The following RIMS4 variants were observed in gnomAD, a reference collection of about 807,000 sequenced individuals.
RIMS4 encodes regulating synaptic membrane exocytosis protein 4.
Under a neutral mutation model 29.0 loss-of-function variants are expected in RIMS4, and 9 were observed. The observed-to-expected ratio is 0.31, with a 90% CI of 0.19 to 0.54. The LOEUF is 0.54. RIMS4 is among the 20% of genes least tolerant of loss of function. RIMS4 has a pLI of 0.94. For synonymous variants in RIMS4, 130 were observed against 152.9 expected, an observed-to-expected ratio of 0.85 and a Z score of 1.10; for missense variants, 193 against 365.7, an observed-to-expected ratio of 0.53 and a Z score of 3.85.
In RIMS4 at chr20:44,756,111, G is replaced by T; in HGVS notation, c.*23C>A. On this transcript the variant is annotated 3_prime_UTR_variant, in exon 6 of 6. Coordinates refer to ENST00000372851, the MANE Select transcript of RIMS4 (RefSeq NM_182970.4). The surrounding 1 kb of genome is among the most constrained non-coding windows in gnomAD (Gnocchi z 5.9). ...GCTGGGTGGTCTCCAGGCCATCTTG[G>T]GGAGCCCCTCCCCATTCCAGCACTA... The T allele has an allele frequency of 6.4e-7, 1 of 1,564,630 alleles. No homozygotes were observed. The highest frequency in any genetic ancestry group is 8.7e-7 in the Non-Finnish European group (1 of 1,148,938).
At chr20:44,772,978 A>G (rs2066143480) in intron 1 of RIMS4, among the ~76,000 whole-genome samples, 1 of 152,198 alleles carries the variant, frequency 6.6e-6, no homozygotes, top group Non-Finnish European at 1.5e-5. Context: ...GCATGCGTAG[A>G]TACAAACACT....
intron 1 of RIMS4, among the ~76,000 whole-genome samples, chr20:44,776,242 A>T (rs2066159832): frequency 6.6e-6 from 1 of 152,158 alleles, no homozygotes; most frequent in African/African-American, 2.4e-5. Flanking sequence ...CAGCCTGGGT[A>T]ACAGAGTAAA....
Position 44,784,612 on chromosome 20 carries a change from A to G in RIMS4, c.98-13199T>C, listed in dbSNP as rs185817854. On this transcript the variant is annotated intron_variant, in intron 1 of 5. Transcript: ENST00000372851. ...TGTTCTGCAGGATAGCAGCTAACCCAGTGTCCACTAAGGCTTCTCAAGAAC... is the reference window on the plus strand; with the variant it reads ...TGTTCTGCAGGATAGCAGCTAACCCGGTGTCCACTAAGGCTTCTCAAGAAC... 3.8e-3 allele frequency among the ~76,000 whole-genome samples: 586 copies of G among 152,344 alleles called. 2 individuals are homozygous for G. Among genetic ancestry groups the G allele is most frequent in the Non-Finnish European group, 4.9e-3 (336 of 68,028 alleles).
intron 1 of RIMS4, among the ~76,000 whole-genome samples, chr20:44,794,882 C>T (rs1392628743): frequency 2.0e-5 from 3 of 152,222 alleles, no homozygotes; most frequent in Non-Finnish European, 4.4e-5. Context: ...CTCTTGGCTT[C>T]ACTCCTTGCC....
chr20:44,765,873 G>A (rs928824347), intron 2 of RIMS4, among the ~76,000 whole-genome samples: 1 of 152,242 alleles, frequency 6.6e-6, no homozygotes, highest in Non-Finnish European at 1.5e-5. Context: ...TGGGTCAACA[G>A]AGAGGATGCC....
rs79004102 is a variant in RIMS4 at position 44,758,496 on chromosome 20, T to G, written c.237-312A>C. On this transcript the variant is annotated intron_variant, in intron 2 of 5. Coordinates refer to ENST00000372851, the MANE Select transcript of RIMS4 (RefSeq NM_182970.4). The stretch of plus-strand genomic sequence containing the variant: ...GATGATGCCCTTGCACGTGAAAGTG[T>G]GAGCTGCACTGCAAACGGCTCTAGA... 5.5e-3 allele frequency among the ~76,000 whole-genome samples: 840 copies of G among 152,344 alleles called. 8 individuals are homozygous for G. The highest frequency in any genetic ancestry group is 0.019 in the African/African-American group (806 of 41,580).
In RIMS4 at chr20:44,756,239, G is replaced by A. The variant is rs770514224; in HGVS notation, c.705C>T (p.Leu235=). 7.4e-6 allele frequency: 12 copies of A among 1,613,832 alleles called. No homozygotes were observed. The African/African-American group carries it at 1.3e-4, about 18-fold the overall frequency. The stretch of plus-strand genomic sequence containing the variant: ...GGTCCACCATGGAGGAGGTGGGGAA[G>A]AGCTTGTACCAGCCCACGGCCAGGG... The part of the protein sequence containing the change: ...LTTLAVGWYK[L]FPTSSMVDPA... The change falls in exon 6 of 6, where the codon CTC becomes CTT. Residue 235 remains leucine, a synonymous_variant. Transcript: ENST00000372851. This position sits in a 1 kb window ranked among gnomAD's most constrained non-coding sequence, Gnocchi z 5.9.
chr20:44,792,581 C>T (rs992305813), intron 1 of RIMS4, among the ~76,000 whole-genome samples: 3 of 152,096 alleles, frequency 2.0e-5, no homozygotes, highest in Admixed American at 1.3e-4. Context: ...CATGAGCCAC[C>T]GTGCCCGGCC....
chr20:44,798,812 TCTC>T (rs1367925336), intron 1 of RIMS4, among the ~76,000 whole-genome samples: 1 of 152,246 alleles, frequency 6.6e-6, no homozygotes, highest in Non-Finnish European at 1.5e-5. Flanking sequence ...GGCTGCTTCT[TCTC>T]CTGCCCCATG....
In RIMS4 at chr20:44,758,088, C is replaced by A; in HGVS notation, c.333G>T (p.Leu111=). 6.2e-7 allele frequency: 1 copy of A among 1,610,704 alleles called. No homozygotes were observed. ...GPAQFVGRQT[L]ATTPMGDVEI... is the part of the protein sequence containing the mutation. Reference sequence around the variant, plus strand: ...GGCACTCACCCATGGGTGTGGTGGCCAGGGTCTGGCGGCCCACAAACTGTG... The same window carrying A: ...GGCACTCACCCATGGGTGTGGTGGCAAGGGTCTGGCGGCCCACAAACTGTG... Residue 111 remains leucine, a synonymous_variant, in exon 3 of 6, where the codon CTG becomes CTT. Coordinates refer to ENST00000372851, the MANE Select transcript of RIMS4 (RefSeq NM_182970.4).
Position 44,810,289 on chromosome 20 carries a change from G to GCGCCTCGGC in RIMS4, c.-27_-19dup. ...CGCTCCATGCCCGCGCCGGCGCCGGGCGCCTCGGCCGCGGCGGCGGCGGCG... is the reference window on the plus strand; with the variant it reads ...CGCTCCATGCCCGCGCCGGCGCCGGGCGCCTCGGCCGCCTCGGCCGCGGCGGCGGCGGCG... On this transcript the variant is annotated 5_prime_UTR_variant, in exon 1 of 6. Transcript: ENST00000372851. 1 of 1,077,214 alleles carries GCGCCTCGGC rather than the reference G, an allele frequency of 9.3e-7. No individual in the cohort carries two copies. The highest frequency in any genetic ancestry group is 1.1e-6 in the Non-Finnish European group (1 of 870,744). The allele number at this position is 1,077,214 out of a possible 1,614,324, so 66.7% of individuals were successfully genotyped here.
chr20:44,756,471 A>T lies in RIMS4; in HGVS notation c.592-119T>A. 2 of 771,294 alleles carry T rather than the reference A, an allele frequency of 2.6e-6. No homozygotes were observed. Among genetic ancestry groups the T allele is most frequent in the Non-Finnish European group, 2.1e-6 (1 of 470,834 alleles). The allele number at this position is 771,294 out of a possible 1,614,324, so 47.8% of individuals were successfully genotyped here. On this transcript the variant is annotated intron_variant, in intron 5 of 5. Coordinates refer to ENST00000372851, the MANE Select transcript of RIMS4 (RefSeq NM_182970.4). This position sits in a 1 kb window ranked among gnomAD's most constrained non-coding sequence, Gnocchi z 5.9. ...AGTCCTGTGATTTCTACCTCCTTAA[A>T]ACTGCAATTCCTCAACAGGCCTTTC...
intron 1 of RIMS4, among the ~76,000 whole-genome samples, chr20:44,777,419 T>C (rs752762119): frequency 6.6e-5 from 10 of 152,240 alleles, no homozygotes; most frequent in Non-Finnish European, 1.0e-4. Context: ...ACAGATTCTA[T>C]TGTTTTTAGC....
rs1290421784 is a variant in RIMS4 at position 44,810,421 on chromosome 20, G to A, written c.-150C>T. ...CGGGCCGAGGCTCCGCTGCGGGGCT[G>A]GCGGGCGCGGCGGGGCCGGCGGGCG... On this transcript the variant is annotated 5_prime_UTR_variant, in exon 1 of 6. Coordinates refer to ENST00000372851, the MANE Select transcript of RIMS4 (RefSeq NM_182970.4). The A allele has an allele frequency of 6.8e-6, 1 of 148,098 alleles. No individual in the cohort carries two copies. The highest frequency in any genetic ancestry group is 1.5e-5 in the Non-Finnish European group (1 of 67,932). The allele number at this position is 148,098 out of a possible 1,614,324, so 9.2% of individuals were successfully genotyped here. A position where few individuals can be genotyped will look rare whatever the true frequency, so the allele number is the denominator to read the frequency against.
At chr20:44,793,383 G>A (rs2066241241) in intron 1 of RIMS4, among the ~76,000 whole-genome samples, 1 of 152,206 alleles carries the variant, frequency 6.6e-6, no homozygotes, top group South Asian at 2.1e-4. Context: ...TCCTCCAAGT[G>A]CCACAGATGA....
chr20:44,771,659 C>A (rs930583629), intron 1 of RIMS4, among the ~76,000 whole-genome samples: 5 of 152,254 alleles, frequency 3.3e-5, no homozygotes, highest in African/African-American at 1.2e-4. Context: ...CCCTTGAATT[C>A]ATTTCTCCCC....
At chr20:44,775,060 T>C (rs1362741982) in intron 1 of RIMS4, among the ~76,000 whole-genome samples, 1 of 152,176 alleles carries the variant, frequency 6.6e-6, no homozygotes, top group African/African-American at 2.4e-5. Flanking sequence ...TCCCGGGCCC[T>C]GAAGCATGGC....
At chr20:44,775,727 G>A (rs6513948) in intron 1 of RIMS4, among the ~76,000 whole-genome samples, 2,649 of 152,208 alleles carry the variant, frequency 0.017, 93 homozygotes, top group African/African-American at 0.06. Flanking sequence ...TCATCTCAGG[G>A]TCTGGTTTGG....
chr20:44,800,809 A>G (rs1305775208), intron 1 of RIMS4, among the ~76,000 whole-genome samples: 5 of 152,170 alleles, frequency 3.3e-5, no homozygotes, highest in Non-Finnish European at 4.4e-5. Context: ...GGCGATGAAC[A>G]AAGTCCTTCT....
Sources: gnomAD v4.1 joint callset for allele counts (sites outside exome capture counted in the v4.1 genomes callset) on GRCh38, gnomAD v4.1.1 for gene constraint, Gnocchi (gnomAD v3.1) non-coding constraint, MANE v1.5 for transcripts, NCBI Gene and HGNC (gene_info 2026-07-23, HGNC 2026-07-21) for gene names.